The following B4GALT6 variants were observed in gnomAD, a reference collection of about 807,000 sequenced individuals.
B4GALT6 encodes UDP-Gal:beta-GlcNAc beta-1,4-galactosyltransferase 6.
B4GALT6 carries 14 observed loss-of-function variants against 46.3 expected under a neutral mutation model. The ratio of observed to expected loss-of-function variants is 0.30; its 90% CI spans 0.20 to 0.47. The LOEUF is 0.47. Ranked by LOEUF, B4GALT6 falls within the 20% of genes least tolerant of loss-of-function variation. The probability of loss-of-function intolerance (pLI) is 0.99; values close to 1 mark genes in which losing one functional copy is unlikely to be tolerated. For missense variants in B4GALT6, 386 were observed against 480.1 expected (o/e 0.80, Z 1.83); for synonymous variants, 168 against 162.0 (o/e 1.04, Z -0.28).
chr18:31,651,082 A>G (rs1174338849), intron 3 of B4GALT6, among the ~76,000 whole-genome samples: 1 of 152,068 alleles, frequency 6.6e-6, no homozygotes, highest in Non-Finnish European at 1.5e-5. Flanking sequence ...TGCATTTTTA[A>G]CAAGTGTAGA....
chr18:31,695,291 TA>T, the B4GALT6 span, among the ~76,000 whole-genome samples: 3,243 of 144,234 alleles, frequency 0.022, 56 homozygotes, highest in Admixed American at 0.058. Context: ...TCCCTGAAAT[TA>T]AAAAAAAAAA....
intron 3 of B4GALT6, among the ~76,000 whole-genome samples, chr18:31,653,864 C>T (rs993968418): frequency 3.9e-5 from 6 of 152,150 alleles, no homozygotes; most frequent in African/African-American, 1.4e-4. Flanking sequence ...ACACAGGGAC[C>T]GCTGCACAGC....
the B4GALT6 span, among the ~76,000 whole-genome samples, chr18:31,716,562 T>C: frequency 5.9e-5 from 9 of 152,136 alleles, no homozygotes; most frequent in African/African-American, 2.2e-4. Context: ...AGGTAACCAC[T>C]ATAAAAGGAG....
chr18:31,716,314 G>A, the B4GALT6 span, among the ~76,000 whole-genome samples: 2 of 152,184 alleles, frequency 1.3e-5, no homozygotes, highest in South Asian at 2.1e-4. Flanking sequence ...CTGAGAGAAA[G>A]TTCAAACTGG....
chr18:31,681,000 C>T (rs1174593871), intron 1 of B4GALT6, among the ~76,000 whole-genome samples: 1 of 152,232 alleles, frequency 6.6e-6, no homozygotes, highest in Non-Finnish European at 1.5e-5. Context: ...AAATCCTTAA[C>T]CAGCCCTCAC....
intron 1 of B4GALT6, among the ~76,000 whole-genome samples, chr18:31,666,784 A>G (rs2074288003): frequency 6.6e-6 from 1 of 152,150 alleles, no homozygotes; most frequent in Admixed American, 6.5e-5. Flanking sequence ...CACAAAAGCT[A>G]GGATTCCTTA....
chr18:31,630,379 T>C (rs571432470), intron 6 of B4GALT6, among the ~76,000 whole-genome samples: 1 of 151,900 alleles, frequency 6.6e-6, no homozygotes, highest in Non-Finnish European at 1.5e-5. Context: ...TAACTGTTCA[T>C]TTTAAATTAT....
At chr18:31,634,103 G>C (rs2073826866) in intron 5 of B4GALT6, among the ~76,000 whole-genome samples, 1 of 152,182 alleles carries the variant, frequency 6.6e-6, no homozygotes, top group South Asian at 2.1e-4. Context: ...CACAGCTGGA[G>C]GGGTGGGGAG....
chr18:31,684,747 C>A (rs2074525362), upstream of B4GALT6: 12 of 1,089,296 alleles, frequency 1.1e-5, no homozygotes, highest in Non-Finnish European at 4.5e-6. Context: ...GGAGCGTTTT[C>A]TCCGCCAAGC....
At chr18:31,650,166 C>T (rs985190159) in intron 3 of B4GALT6, among the ~76,000 whole-genome samples, 3 of 152,192 alleles carry the variant, frequency 2.0e-5, no homozygotes, top group African/African-American at 7.2e-5. Flanking sequence ...GTCCTCTCTG[C>T]TATATCCACA....
chr18:31,684,812 GC>G, upstream of B4GALT6: 2 of 1,018,628 alleles, frequency 2.0e-6, no homozygotes, highest in South Asian at 3.9e-5. Flanking sequence ...GCGCCGCGGC[GC>G]CCCTGCGGAG....
rs58990857 is a variant in B4GALT6, at chr18:31,637,390, CT to C, written c.588+1253del. Among the ~76,000 whole-genome samples the C allele has an allele frequency of 6.7e-3, 781 of 116,010 alleles. 2 individuals carry two copies. Among genetic ancestry groups the C allele is most frequent in the African/African-American group, 0.021 (616 of 29,908 alleles). The allele number at this position is 116,010 out of a possible 152,430, so 76.1% of individuals were successfully genotyped here. On this transcript the variant is annotated intron_variant, in intron 5 of 8. Coordinates refer to ENST00000306851, the MANE Select transcript of B4GALT6 (RefSeq NM_004775.5). ...AGTTTAGTCTTCCATGCAATGTATG[CT>C]TTTTTTTTTTTTTTTTGACCTGTCA...
intron 3 of B4GALT6, among the ~76,000 whole-genome samples, chr18:31,653,989 G>A (rs1186387394): frequency 2.6e-5 from 4 of 151,780 alleles, no homozygotes; most frequent in East Asian, 1.9e-4. Flanking sequence ...CTTTGCTGAC[G>A]TTTGTTTGCT....
intron 3 of B4GALT6, among the ~76,000 whole-genome samples, chr18:31,652,112 C>T (rs900310194): frequency 6.6e-6 from 1 of 152,076 alleles, no homozygotes; most frequent in Non-Finnish European, 1.5e-5. Flanking sequence ...ACAACATGCT[C>T]AAGTCCATCT....
chr18:31,668,476 T>A (rs1271479775), intron 1 of B4GALT6, among the ~76,000 whole-genome samples: 2 of 152,322 alleles, frequency 1.3e-5, no homozygotes, highest in East Asian at 3.9e-4. Flanking sequence ...GTTGAAATTA[T>A]TTAAAATAAA....
At chr18:31,651,782 T>G (rs1273385363) in intron 3 of B4GALT6, among the ~76,000 whole-genome samples, 1 of 152,132 alleles carries the variant, frequency 6.6e-6, no homozygotes, top group Non-Finnish European at 1.5e-5. Flanking sequence ...CATCTTTTTC[T>G]TTTTTTGAGA....
chr18:31,694,042 A>G, the B4GALT6 span, among the ~76,000 whole-genome samples: 2 of 152,246 alleles, frequency 1.3e-5, no homozygotes, highest in Admixed American at 1.3e-4. Context: ...TCCTAAATGT[A>G]ACCATGAATG....
At chr18:31,703,698 G>GCTGATGCT in the B4GALT6 span, among the ~76,000 whole-genome samples, 1 of 152,218 alleles carries the variant, frequency 6.6e-6, no homozygotes, top group African/African-American at 2.4e-5. Context: ...GAGCCTAATA[G>GCTGATGCT]CTGATGCTTT....
At chr18:31,680,005 C>T (rs920505700) in intron 1 of B4GALT6, among the ~76,000 whole-genome samples, 12 of 152,136 alleles carry the variant, frequency 7.9e-5, no homozygotes, top group African/African-American at 2.7e-4. Flanking sequence ...TGGACTGCAT[C>T]GCTTTCAAGA....
Sources: gnomAD v4.1 joint callset for allele counts (sites outside exome capture counted in the v4.1 genomes callset) on GRCh38, gnomAD v4.1.1 for gene constraint, MANE v1.5 for transcripts, NCBI Gene and HGNC (gene_info 2026-07-23, HGNC 2026-07-21) for gene names.